The following MTRF1 variants were observed in gnomAD, a reference collection of about 807,000 sequenced individuals.
MTRF1 encodes the protein peptide chain release factor 1, mitochondrial.
In MTRF1, 51 loss-of-function variants were observed where a neutral mutation model predicts 62.9. That is an observed-to-expected ratio of 0.81 (90% CI 0.65 to 1.02). The LOEUF is 1.02. Among genes scored for constraint, MTRF1 ranks in the 50% least tolerant of loss-of-function variants. MTRF1 has a pLI of 0.00. For synonymous variants in MTRF1, 158 were observed against 181.9 expected (o/e 0.87, Z 1.06); for missense variants, 446 against 530.0 (o/e 0.84, Z 1.56).
chr13:41,228,723 C>G (rs1593647151), intron 7 of MTRF1, among the ~76,000 whole-genome samples: 1 of 152,258 alleles, frequency 6.6e-6, no homozygotes, highest in African/African-American at 2.4e-5. Context: ...GTAATATTCC[C>G]CTGTATAAAC....
intron 6 of MTRF1, among the ~76,000 whole-genome samples, chr13:41,239,931 C>T (rs1378228043): frequency 6.6e-6 from 1 of 152,074 alleles, no homozygotes; most frequent in African/African-American, 2.4e-5. Context: ...AAGGGCGAGA[C>T]AGGCGGACTG....
At chr13:41,291,053 G>A in the MTRF1 span, among the ~76,000 whole-genome samples, 5 of 150,770 alleles carry the variant, frequency 3.3e-5, no homozygotes, top group East Asian at 2.0e-4. Flanking sequence ...CCGAGATCAC[G>A]CCATTGCACT....
the MTRF1 span, among the ~76,000 whole-genome samples, chr13:41,272,222 T>C: frequency 6.6e-6 from 1 of 152,228 alleles, no homozygotes; most frequent in South Asian, 2.1e-4. Context: ...AAAGTGTCAG[T>C]GGTGCCTTTG....
chr13:41,282,011 A>C, the MTRF1 span, among the ~76,000 whole-genome samples: 1 of 151,724 alleles, frequency 6.6e-6, no homozygotes, highest in Non-Finnish European at 1.5e-5. Flanking sequence ...GGTGGCGGGC[A>C]CCTGTAATCC....
At chr13:41,258,575 C>CA (rs11320576) in intron 2 of MTRF1, among the ~76,000 whole-genome samples, 269 of 133,098 alleles carry the variant, frequency 2.0e-3, no homozygotes, top group Admixed American at 5.6e-3. Context: ...AAAAAAAAAA[C>CA]AAAAAAAAAA....
At chr13:41,302,075 G>A in the MTRF1 span, among the ~76,000 whole-genome samples, 2 of 151,970 alleles carry the variant, frequency 1.3e-5, no homozygotes, top group African/African-American at 4.8e-5. Flanking sequence ...TGCCTAGGCT[G>A]GAGTGCAGTG....
chr13:41,240,114 GA>G lies in MTRF1; in HGVS notation c.870+146del, dbSNP rs1309243382. On this transcript the variant is annotated intron_variant, in intron 6 of 9. Transcript: ENST00000379480. Reference sequence around the variant, plus strand: ...GGAGGTGGAGGTTGCAGTGAGCAGAGATCGCGCCACTGTACTCCAACCTGGG... The same window carrying G: ...GGAGGTGGAGGTTGCAGTGAGCAGAGTCGCGCCACTGTACTCCAACCTGGG... 3 of 677,298 alleles carry G rather than the reference GA, an allele frequency of 4.4e-6. No individual in the cohort carries two copies. The African/African-American group carries it at 5.6e-5, about 13-fold the overall frequency. The allele number at this position is 677,298 out of a possible 1,614,324, so 42.0% of individuals were successfully genotyped here.
intron 5 of MTRF1, among the ~76,000 whole-genome samples, chr13:41,250,674 A>C (rs1374939944): frequency 6.6e-6 from 1 of 152,242 alleles, no homozygotes; most frequent in African/African-American, 2.4e-5. Context: ...TTGTATTGTT[A>C]GTACAGACGG....
the MTRF1 span, among the ~76,000 whole-genome samples, chr13:41,284,917 T>G: frequency 4.6e-5 from 7 of 152,128 alleles, no homozygotes; most frequent in Admixed American, 3.3e-4. Flanking sequence ...CCTCCCTAAG[T>G]GCTAGGATTA....
chr13:41,289,603 A>G, the MTRF1 span, among the ~76,000 whole-genome samples: 5 of 152,148 alleles, frequency 3.3e-5, no homozygotes, highest in Admixed American at 1.3e-4. Context: ...CAAGCTCCAA[A>G]GCACTTCTCA....
the MTRF1 span, among the ~76,000 whole-genome samples, chr13:41,294,394 G>A: frequency 2.7e-5 from 4 of 145,668 alleles, no homozygotes; most frequent in African/African-American, 1.0e-4. Context: ...CTCCAGCCTG[G>A]CAACAGAGTG....
At chr13:41,242,564 C>A (rs540952347) in intron 5 of MTRF1, among the ~76,000 whole-genome samples, 1 of 152,286 alleles carries the variant, frequency 6.6e-6, no homozygotes, top group South Asian at 2.1e-4. Flanking sequence ...CTCATGAGTT[C>A]ATATGATGTT....
At chr13:41,240,052 A>G (rs1307919403) in intron 6 of MTRF1, among the ~76,000 whole-genome samples, 2 of 151,880 alleles carry the variant, frequency 1.3e-5, no homozygotes, top group Admixed American at 6.6e-5. Context: ...AATTGCAGCT[A>G]CTCAGCAGGC....
intron 8 of MTRF1, among the ~76,000 whole-genome samples, chr13:41,224,966 C>T (rs1010095122): frequency 6.6e-6 from 1 of 152,066 alleles, no homozygotes; most frequent in Non-Finnish European, 1.5e-5. Context: ...AATCCCAGCA[C>T]TTTAGGAGGC....
chr13:41,285,850 G>A, the MTRF1 span, among the ~76,000 whole-genome samples: 3 of 152,068 alleles, frequency 2.0e-5, no homozygotes, highest in Admixed American at 6.6e-5. Context: ...GATTGCCTGA[G>A]GTCAAGAGTT....
the MTRF1 span, among the ~76,000 whole-genome samples, chr13:41,273,351 C>T: frequency 6.6e-6 from 1 of 151,132 alleles, no homozygotes; most frequent in African/African-American, 2.4e-5. Flanking sequence ...AGTTTAGAGG[C>T]ATCTTCACTT....
At chr13:41,286,371 C>T in the MTRF1 span, among the ~76,000 whole-genome samples, 3 of 152,136 alleles carry the variant, frequency 2.0e-5, no homozygotes, top group African/African-American at 7.2e-5. Flanking sequence ...TTGTCTTGCT[C>T]AAAACCAAGA....
the MTRF1 span, among the ~76,000 whole-genome samples, chr13:41,278,520 A>T: frequency 1.3e-5 from 2 of 152,286 alleles, no homozygotes; most frequent in East Asian, 3.9e-4. Context: ...TGCAGAGGTT[A>T]TTTCCTGTTA....
At chr13:41,305,247 G>A in the MTRF1 span, among the ~76,000 whole-genome samples, 12 of 152,130 alleles carry the variant, frequency 7.9e-5, no homozygotes, top group African/African-American at 2.2e-4. Context: ...TTGTAGAGAC[G>A]GGGTCTCACT....
Sources: gnomAD v4.1 joint callset for allele counts (sites outside exome capture counted in the v4.1 genomes callset) on GRCh38, gnomAD v4.1.1 for gene constraint, MANE v1.5 for transcripts, NCBI Gene and HGNC (gene_info 2026-07-23, HGNC 2026-07-21) for gene names.